The following DNAH12 variants were observed in gnomAD, a reference collection of about 807,000 sequenced individuals.
DNAH12 encodes the protein dynein axonemal heavy chain 12.
In DNAH12, 285 loss-of-function variants were observed where a neutral mutation model predicts 371.5. The observed-to-expected ratio is 0.77, with a 90% CI of 0.70 to 0.85. DNAH12 has a LOEUF of 0.85. Among genes scored for constraint, DNAH12 ranks in the 40% least tolerant of loss-of-function variants. The pLI is 0.00. For synonymous variants in DNAH12, 1,200 were observed against 1,213.0 expected (o/e 0.99, Z 0.22); for missense variants, 3,611 against 3,689.4 (o/e 0.98, Z 0.55).
rs2065795264 is a variant in DNAH12 at position 57,452,884 on chromosome 3, G to A, written c.3745C>T (p.Leu1249Phe). The A allele has an allele frequency of 6.4e-7, 1 of 1,550,846 alleles. No individual in the cohort carries two copies. The highest frequency in any genetic ancestry group is 8.7e-7 in the Non-Finnish European group (1 of 1,146,850). Residue 1249 changes from leucine to phenylalanine, a missense_variant, in exon 25 of 74, where the codon CTT becomes TTT. By Grantham distance (22) the Leu-to-Phe change is conservative. Around this residue, in one of 3 missense-constraint regions of DNAH12, gnomAD observed 2,266 missense variants for 2,236.9 expected, o/e 1.01. Coordinates refer to ENST00000495027, the MANE Select transcript of DNAH12 (RefSeq NM_001366028.2). Reference sequence around the variant, plus strand: ...CTGTCAGTTAGAGGCGTAATGACAAGTCGAGGTGAGTTACCAAGATATTCA... The same window carrying A: ...CTGTCAGTTAGAGGCGTAATGACAAATCGAGGTGAGTTACCAAGATATTCA... ...AYEYLGNSPRLVITPLTDRCY... is the reference protein window; with the variant it reads ...AYEYLGNSPRFVITPLTDRCY...
chr3:57,302,554 T>TG lies in DNAH12; in HGVS notation c.11190-616_11190-615insC, dbSNP rs1559535320. 8.3e-4 allele frequency among the ~76,000 whole-genome samples: 82 copies of TG among 98,400 alleles called. 3 individuals carry two copies. The highest frequency in any genetic ancestry group is 3.0e-3 in the African/African-American group (80 of 26,388). The allele number at this position is 98,400 out of a possible 152,430, so 64.6% of individuals were successfully genotyped here. A position where few individuals can be genotyped will look rare whatever the true frequency, so the allele number is the denominator to read the frequency against. ...GTATATATATATATATATATATATA[T>TG]ATATATATATGTATTTTTTTTTTTT... On this transcript the variant is annotated intron_variant, in intron 69 of 73. Transcript: ENST00000495027.
At chr3:57,506,243 T>C (rs755542769) in intron 8 of DNAH12, among the ~76,000 whole-genome samples, 1 of 152,036 alleles carries the variant, frequency 6.6e-6, no homozygotes, top group Non-Finnish European at 1.5e-5. Context: ...TGAGGTACAG[T>C]GAAATGCTAG....
At chr3:57,500,260 C>T (rs2067494290) in intron 11 of DNAH12, among the ~76,000 whole-genome samples, 1 of 152,006 alleles carries the variant, frequency 6.6e-6, no homozygotes, top group South Asian at 2.1e-4. Context: ...AGGCTGGTCT[C>T]GAACTCCTGA....
chr3:57,542,604 T>A lies in DNAH12; in HGVS notation c.170+97A>T. ...TAACTTGAAAATAGTATTTTACCCATGAACAACCTCCACAGTTAAAACTTT... is the reference window on the plus strand; with the variant it reads ...TAACTTGAAAATAGTATTTTACCCAAGAACAACCTCCACAGTTAAAACTTT... On this transcript the variant is annotated intron_variant, in intron 2 of 73. Transcript: ENST00000495027. 5 of 1,361,118 alleles carry A rather than the reference T, an allele frequency of 3.7e-6. No homozygotes were observed. In the Admixed American group the frequency reaches 1.4e-4, roughly 37 times the overall value. The allele number at this position is 1,361,118 out of a possible 1,614,324, so 84.3% of individuals were successfully genotyped here. A position where few individuals can be genotyped will look rare whatever the true frequency, so the allele number is the denominator to read the frequency against.
chr3:57,462,900 AT>A lies in DNAH12; in HGVS notation c.2350-26del, dbSNP rs1245908107. ...CCTAATGGCAAAAATATAAACAATT[AT>A]GAGTCACTCATTTGACTTCCACACA... On this transcript the variant is annotated intron_variant, in intron 17 of 73. Transcript: ENST00000495027. 6 of 1,515,766 alleles carry A rather than the reference AT, an allele frequency of 4.0e-6. No individual in the cohort carries two copies. In the African/African-American group the frequency reaches 8.3e-5, roughly 21 times the overall value. The allele number at this position is 1,515,766 out of a possible 1,614,324, so 93.9% of individuals were successfully genotyped here.
At chr3:57,301,224 C>G (rs1318135860) in intron 70 of DNAH12, among the ~76,000 whole-genome samples, 1 of 121,600 alleles carries the variant, frequency 8.2e-6, no homozygotes, top group Non-Finnish European at 1.6e-5. Context: ...TAAGATCACA[C>G]CACTGCACTC....
At chr3:57,332,856 C>G (rs1034781242) in intron 62 of DNAH12, among the ~76,000 whole-genome samples, 1 of 152,224 alleles carries the variant, frequency 6.6e-6, no homozygotes, top group South Asian at 2.1e-4. Flanking sequence ...CCTTAGTGAT[C>G]GCTTGGAGCA....
chr3:57,479,761 A>T (rs1303111063), intron 13 of DNAH12, among the ~76,000 whole-genome samples: 1 of 152,208 alleles, frequency 6.6e-6, no homozygotes, highest in African/African-American at 2.4e-5. Context: ...CTCAGGATTA[A>T]GAAACTCACT....
intron 50 of DNAH12, among the ~76,000 whole-genome samples, chr3:57,381,895 T>C (rs2063400714): frequency 6.6e-6 from 1 of 150,978 alleles, no homozygotes; most frequent in African/African-American, 2.4e-5. Flanking sequence ...TTAGCTGAAG[T>C]CTCACTTTGT....
chr3:57,424,191 C>T (rs76047014), intron 35 of DNAH12, among the ~76,000 whole-genome samples: 7,000 of 151,872 alleles, frequency 0.046, 194 homozygotes, highest in African/African-American at 0.082. Context: ...GATAGTTGAC[C>T]GAGCATGGTG....
upstream of DNAH12, among the ~76,000 whole-genome samples, chr3:57,549,129 A>C (rs914395294): frequency 2.6e-5 from 4 of 152,118 alleles, no homozygotes; most frequent in Non-Finnish European, 5.9e-5. Flanking sequence ...TCAAGGCTGC[A>C]GTGAGCTATT....
At position 57,405,649 on chromosome 3, in the gene DNAH12, T is replaced by G; in HGVS notation, c.6576+4A>C. ...CTCAATATGTTCTTAATCGCCATAC[T>G]CACTGGTGCATTTTGTTTCCTCAAA... On this transcript the variant is annotated splice_donor_region_variant and intron_variant, in intron 41 of 73. Transcript: ENST00000495027. The G allele has an allele frequency of 6.5e-7, 1 of 1,549,228 alleles. No individual in the cohort carries two copies. Among genetic ancestry groups the G allele is most frequent in the Non-Finnish European group, 8.7e-7 (1 of 1,145,516 alleles).
intron 29 of DNAH12, among the ~76,000 whole-genome samples, chr3:57,438,900 G>T (rs1575601073): frequency 1.0e-5 from 1 of 96,898 alleles, no homozygotes; most frequent in Non-Finnish European, 2.0e-5. Context: ...GGGCAACAGA[G>T]TGAAACTCTG....
intron 69 of DNAH12, among the ~76,000 whole-genome samples, chr3:57,302,534 T>TATATATATATAA (rs2061371436): frequency 2.9e-5 from 1 of 34,878 alleles, no homozygotes; most frequent in African/African-American, 7.1e-5. Context: ...CAGGTGTATA[T>TATATATATATAA]ATATATATAT....
At chr3:57,505,272 C>A in intron 8 of DNAH12, among the ~76,000 whole-genome samples, 1 of 137,414 alleles carries the variant, frequency 7.3e-6, no homozygotes, top group African/African-American at 2.7e-5. Context: ...CTCCCACTAC[C>A]TTTCCCAGCC....
At chr3:57,363,489 G>C (rs2062983447) in intron 58 of DNAH12, 105 bp downstream of exon 58, 1 of 151,970 alleles carries the variant, frequency 6.6e-6, no homozygotes, top group African/African-American at 2.4e-5. Flanking sequence ...TTTCCAGCAA[G>C]GCTACACCAA....
At chr3:57,536,617 C>G (rs1405150286) in intron 2 of DNAH12, among the ~76,000 whole-genome samples, 3 of 152,140 alleles carry the variant, frequency 2.0e-5, no homozygotes, top group African/African-American at 7.2e-5. Flanking sequence ...AAGACGTTGG[C>G]CAGGCTTCCC....
At chr3:57,543,880 C>G (rs2153404413) in intron 1 of DNAH12, among the ~76,000 whole-genome samples, 1 of 151,862 alleles carries the variant, frequency 6.6e-6, no homozygotes, top group South Asian at 2.1e-4. Context: ...AACCCCATCT[C>G]TACTAAAAAT....
chr3:57,437,119 CTTA>C, intron 29 of DNAH12, 59 bp from the exon 30 acceptor site: 1 of 1,049,332 alleles, frequency 9.5e-7, no homozygotes, highest in East Asian at 3.0e-5. Context: ...TCATACCTGT[CTTA>C]TAAGTGTAGA....
Sources: gnomAD v4.1 joint callset for allele counts (sites outside exome capture counted in the v4.1 genomes callset) on GRCh38, gnomAD v4.1.1 for gene constraint, gnomAD v4.1.1 regional missense constraint, MANE v1.5 for transcripts, NCBI Gene and HGNC (gene_info 2026-07-23, HGNC 2026-07-21) for gene names.